Variants in CUX1 observed in about 807,000 individuals in gnomAD.
CUX1 encodes protein CASP.
CUX1 carries 31 observed loss-of-function variants against 158.8 expected under a neutral mutation model. The ratio of observed to expected loss-of-function variants is 0.20; its 90% CI spans 0.15 to 0.26. The LOEUF (loss-of-function observed/expected upper bound fraction) is 0.26. Among genes scored for constraint, CUX1 ranks in the 10% least tolerant of loss-of-function variants. The pLI is 1.00. For missense variants in CUX1, 1,589 were observed against 2,014.6 expected (o/e 0.79, Z 4.04); for synonymous variants, 879 against 862.1 (o/e 1.02, Z -0.34).
At chr7:101,989,780 C>T (rs1176126605) in intron 2 of CUX1, among the ~76,000 whole-genome samples, 2 of 152,202 alleles carry the variant, frequency 1.3e-5, no homozygotes, top group Non-Finnish European at 2.9e-5. Flanking sequence ...CCCTTGGATT[C>T]TGGGTGTACA....
At chr7:102,015,623 G>A (rs1325217452) in intron 2 of CUX1, among the ~76,000 whole-genome samples, 1 of 152,154 alleles carries the variant, frequency 6.6e-6, no homozygotes, top group African/African-American at 2.4e-5. Flanking sequence ...GTCTTTCCTG[G>A]TGGTGGTGTC....
chr7:102,113,446 A>G (rs1554490891), intron 7 of CUX1, among the ~76,000 whole-genome samples: 1 of 151,430 alleles, frequency 6.6e-6, no homozygotes, highest in African/African-American at 2.4e-5. Flanking sequence ...TATTTTTACG[A>G]GGTTTCGCCA....
At chr7:102,048,713 C>T (rs1466659436) in intron 3 of CUX1, among the ~76,000 whole-genome samples, 2 of 152,092 alleles carry the variant, frequency 1.3e-5, no homozygotes, top group Non-Finnish European at 2.9e-5. Flanking sequence ...CCTGTCATCC[C>T]AGCTACTCGA....
At chr7:102,217,349 T>A (rs926152045) in intron 20 of CUX1, among the ~76,000 whole-genome samples, 20 of 152,278 alleles carry the variant, frequency 1.3e-4, no homozygotes, top group African/African-American at 4.6e-4. Context: ...AAAGTGACTT[T>A]CCACTCCGAA....
rs781872768 is a variant in CUX1 at position 102,195,528 on chromosome 7, G to T, written c.1147G>T (p.Val383Leu). 4.3e-6 allele frequency: 7 copies of T among 1,612,810 alleles called. No homozygotes were observed. The highest frequency in any genetic ancestry group is 5.9e-6 in the Non-Finnish European group (7 of 1,179,878). Residue 383 changes from valine (V) to leucine (L), a missense_variant, in exon 14 of 24, where the codon GTG (valine) becomes TTG (leucine). This residue lies in a region of CUX1 where 515 missense variants were observed against 574.4 expected (regional missense o/e 0.90). Coordinates refer to ENST00000292535, the MANE Select transcript of CUX1 (RefSeq NM_181552.4). ...GTQDAAKPLE[V>L]LLLEKNRSLQ... ...CTAGGATGCGGCCAAGCCCCTGGAG[G>T]TGCTGTTGCTGGAGAAGAACCGCTC... is the stretch of plus-strand genomic sequence containing the variant.
At chr7:102,203,398 G>A (rs1181216800) in intron 18 of CUX1, among the ~76,000 whole-genome samples, 3 of 150,718 alleles carry the variant, frequency 2.0e-5, no homozygotes, top group Non-Finnish European at 3.0e-5. Flanking sequence ...TCCCCACCCC[G>A]CCTTCCACTC....
chr7:101,836,704 AAAG>A, intron 1 of CUX1, among the ~76,000 whole-genome samples: 1 of 151,580 alleles, frequency 6.6e-6, no homozygotes, highest in East Asian at 1.9e-4. Context: ...AAAAAAAAAA[AAAG>A]AATCCTGGCT....
intron 3 of CUX1, among the ~76,000 whole-genome samples, chr7:102,058,907 C>A (rs1017162756): frequency 2.0e-5 from 3 of 152,158 alleles, no homozygotes; most frequent in African/African-American, 7.2e-5. Context: ...TAGAACATAG[C>A]CTAGCACATC....
chr7:102,264,273 T>C (rs1243159762), intron 14 of CUX1, among the ~76,000 whole-genome samples: 18 of 152,266 alleles, frequency 1.2e-4, no homozygotes, highest in Non-Finnish European at 5.9e-5. Context: ...CCCAAAGTGC[T>C]GGGATTACAG....
intron 2 of CUX1, among the ~76,000 whole-genome samples, chr7:101,977,438 A>T (rs1490393255): frequency 7.0e-4 from 107 of 152,150 alleles, no homozygotes; most frequent in Non-Finnish European, 2.8e-4. Flanking sequence ...AAATAAAAGG[A>T]TTCCCCAGCC....
chr7:102,103,395 C>G (rs1385004732), intron 5 of CUX1, among the ~76,000 whole-genome samples: 1 of 151,506 alleles, frequency 6.6e-6, no homozygotes, highest in East Asian at 1.9e-4. Context: ...TTCTGTCTCC[C>G]TCTCTTTCTT....
chr7:102,093,635 C>T (rs565960369), intron 4 of CUX1, among the ~76,000 whole-genome samples: 5 of 152,272 alleles, frequency 3.3e-5, no homozygotes, highest in East Asian at 3.9e-4. Flanking sequence ...CTGGAATTAA[C>T]GAGATAATAT....
chr7:102,036,111 C>T (rs554691036), intron 3 of CUX1, among the ~76,000 whole-genome samples: 16 of 152,050 alleles, frequency 1.1e-4, no homozygotes, highest in South Asian at 8.3e-4. Context: ...GGATTACAGG[C>T]GCCTGCCACC....
chr7:101,829,927 T>C (rs1793790334), intron 1 of CUX1, among the ~76,000 whole-genome samples: 1 of 151,994 alleles, frequency 6.6e-6, no homozygotes, highest in Non-Finnish European at 1.5e-5. Flanking sequence ...CTGAAGCAAG[T>C]TTGTTGGGAC....
At chr7:102,107,183 A>G (rs1830447863) in intron 6 of CUX1, among the ~76,000 whole-genome samples, 2 of 151,130 alleles carry the variant, frequency 1.3e-5, no homozygotes, top group African/African-American at 4.9e-5. Flanking sequence ...GCAGTGAGCT[A>G]TGATCAGGCC....
At chr7:102,000,216 CAAA>C (rs113719298) in intron 2 of CUX1, among the ~76,000 whole-genome samples, 1 of 146,414 alleles carries the variant, frequency 6.8e-6, no homozygotes, top group Admixed American at 6.8e-5. Context: ...AACTCTATCT[CAAA>C]AAAAAAAAGA....
At chr7:102,239,614 G>A in intron 23 of CUX1, 30 bp downstream of exon 23, 1 of 1,597,980 alleles carries the variant, frequency 6.3e-7, no homozygotes, top group Non-Finnish European at 8.6e-7. Flanking sequence ...GGGAGCGCCG[G>A]TCGGCCCAGG....
chr7:101,894,352 C>T (rs1283067136), intron 1 of CUX1, among the ~76,000 whole-genome samples: 6 of 152,216 alleles, frequency 3.9e-5, no homozygotes, highest in African/African-American at 1.4e-4. Flanking sequence ...CTCGCTCTGT[C>T]GCCCAGGCTG....
intron 2 of CUX1, among the ~76,000 whole-genome samples, chr7:101,978,725 GTCC>G (rs1813033705): frequency 1.3e-5 from 2 of 152,190 alleles, no homozygotes; most frequent in Admixed American, 1.3e-4. Flanking sequence ...CCTAGCCTCT[GTCC>G]TCCTCCTCTG....
Sources: gnomAD v4.1 joint callset for allele counts (sites outside exome capture counted in the v4.1 genomes callset) on GRCh38, gnomAD v4.1.1 for gene constraint, gnomAD v4.1.1 regional missense constraint, MANE v1.5 for transcripts, NCBI Gene and HGNC (gene_info 2026-07-23, HGNC 2026-07-21) for gene names.